The following NFATC2 variants were observed in gnomAD, a reference collection of about 807,000 sequenced individuals.
NFATC2 encodes the protein nuclear factor of activated T cells 2, also known as nuclear factor of activated T-cells, cytoplasmic 2.
Under a neutral mutation model 87.3 loss-of-function variants are expected in NFATC2, and 22 were observed. That is an observed-to-expected ratio of 0.25 (90% confidence interval 0.18 to 0.36). NFATC2 has a LOEUF of 0.36. Ranked by LOEUF, NFATC2 falls within the 10% of genes least tolerant of loss-of-function variation. NFATC2 has a pLI of 1.00. For synonymous variants in NFATC2, 565 were observed against 542.2 expected (o/e 1.04, Z -0.58); for missense variants, 1,149 against 1,259.1 (o/e 0.91, Z 1.32).
intron 9 of NFATC2, among the ~76,000 whole-genome samples, chr20:51,418,567 G>A (rs1980373879): frequency 6.6e-6 from 1 of 152,166 alleles, no homozygotes; most frequent in African/African-American, 2.4e-5. Flanking sequence ...CGTTAGGAGA[G>A]GAGTTTCCTG....
chr20:51,531,822 T>A (rs1026670205), intron 1 of NFATC2, among the ~76,000 whole-genome samples: 3 of 152,188 alleles, frequency 2.0e-5, no homozygotes, highest in Non-Finnish European at 2.9e-5. Flanking sequence ...TTAGTCTATT[T>A]TACAACAACT....
intron 9 of NFATC2, among the ~76,000 whole-genome samples, chr20:51,420,382 ATCTG>A (rs1980698688): frequency 1.3e-5 from 2 of 152,244 alleles, no homozygotes; most frequent in African/African-American, 4.8e-5. Context: ...AAACAATTGA[ATCTG>A]AATGAATGAA....
At chr20:51,465,224 C>T (rs190024650) in intron 5 of NFATC2, among the ~76,000 whole-genome samples, 214 of 152,168 alleles carry the variant, frequency 1.4e-3, no homozygotes, top group Non-Finnish European at 2.4e-3. Flanking sequence ...CCCGTCTCTA[C>T]TAAAAATAAA....
At position 51,497,327 on chromosome 20, in the gene NFATC2, C is replaced by T. The variant is rs377193890; in HGVS notation, c.1332+19457G>A. The stretch of plus-strand genomic sequence containing the variant: ...CGCAGCAAGAAAAATAACAATCCAC[C>T]AAAAGATAAATGCAAAAAGAAGATG... On this transcript the variant is annotated intron_variant, in intron 3 of 10. Transcript: ENST00000371564. 7.2e-5 allele frequency among the ~76,000 whole-genome samples: 11 copies of T among 152,284 alleles called. No homozygotes were observed. The East Asian group carries it at 1.3e-3, about 19-fold the overall frequency.
chr20:51,432,595 G>A lies in NFATC2; in HGVS notation c.2194C>T (p.Arg732Cys), dbSNP rs772742074. Reference sequence around the variant, plus strand: ...GCGTCAGGGGATGAGAGCCCCGTGCGGAACTGCTGGCAGGGAGCCATGGTG... The same window carrying A: ...GCGTCAGGGGATGAGAGCCCCGTGCAGAACTGCTGGCAGGGAGCCATGGTG... The part of the protein sequence containing the change: ...VATMAPCQQF[R>C]TGLSSPDARY... The change falls in exon 9 of 11, where the codon CGC becomes TGC. Residue 732 changes from arginine (R) to cysteine (C), a missense_variant. Physicochemically the swap from Arg to Cys is radical, Grantham distance 180. Coordinates refer to ENST00000371564, the MANE Select transcript of NFATC2 (RefSeq NM_012340.5). The surrounding 1 kb of genome is among the most constrained non-coding windows in gnomAD (Gnocchi z 4.6). 2.3e-5 allele frequency: 35 copies of A among 1,530,444 alleles called. No individual in the cohort carries two copies. Among genetic ancestry groups the A allele is most frequent in the South Asian group, 1.7e-4 (13 of 77,506 alleles). 94.8% of individuals were successfully genotyped at this position (1,530,444 alleles called of 1,614,324 possible).
intron 9 of NFATC2, among the ~76,000 whole-genome samples, chr20:51,416,185 C>T (rs1341242204): frequency 6.6e-6 from 1 of 151,942 alleles, no homozygotes; most frequent in Non-Finnish European, 1.5e-5. Context: ...TCACTTGAAC[C>T]CTGAAGGCAG....
At chr20:51,496,556 T>C (rs528625056) in intron 3 of NFATC2, among the ~76,000 whole-genome samples, 5 of 152,248 alleles carry the variant, frequency 3.3e-5, no homozygotes, top group Admixed American at 6.5e-5. Context: ...CTCTCTATTA[T>C]AGGTCTTATC....
chr20:51,551,765 T>C lies in NFATC2; in HGVS notation c.70+10795A>G, dbSNP rs150296922. On this transcript the variant is annotated intron_variant, in intron 1 of 10. Coordinates refer to the NFATC2 transcript ENST00000414705. ...ATATTAGGTCGCACACAGTGGCTCA[T>C]GCCTGTAATCCCAGCACATTGGGAG... Among the ~76,000 whole-genome samples the C allele has an allele frequency of 4.2e-4, 64 of 152,188 alleles. 1 individual carries two copies. The South Asian group carries it at 4.8e-3, about 11-fold the overall frequency.
At chr20:51,401,877 A>G (rs1988084339) in intron 9 of NFATC2, among the ~76,000 whole-genome samples, 1 of 152,198 alleles carries the variant, frequency 6.6e-6, no homozygotes, top group Non-Finnish European at 1.5e-5. Context: ...CATTACAGAC[A>G]AAAGTACAGA....
At chr20:51,422,620 A>G (rs1981123902) in intron 9 of NFATC2, among the ~76,000 whole-genome samples, 1 of 149,826 alleles carries the variant, frequency 6.7e-6, no homozygotes, top group South Asian at 2.1e-4. Context: ...AATTGGTGCT[A>G]AAACAAAGTT....
chr20:51,508,214 G>C (rs1206756864), intron 3 of NFATC2, among the ~76,000 whole-genome samples: 1 of 152,010 alleles, frequency 6.6e-6, no homozygotes. Context: ...GTGAACCTCC[G>C]TGTCTTCAGT....
At chr20:51,411,621 A>C (rs1157876365) in intron 9 of NFATC2, among the ~76,000 whole-genome samples, 1 of 135,296 alleles carries the variant, frequency 7.4e-6, no homozygotes, top group East Asian at 2.3e-4. Flanking sequence ...TCTGCCTCCC[A>C]GGTTCATGCG....
At chr20:51,441,734 A>AAG in intron 6 of NFATC2, among the ~76,000 whole-genome samples, 1 of 150,914 alleles carries the variant, frequency 6.6e-6, no homozygotes, top group East Asian at 1.9e-4. Flanking sequence ...AAAAAAAAAA[A>AAG]GATAAAGTTA....
At chr20:51,465,190 C>G (rs966700817) in intron 5 of NFATC2, among the ~76,000 whole-genome samples, 3 of 152,150 alleles carry the variant, frequency 2.0e-5, no homozygotes, top group Admixed American at 2.0e-4. Context: ...GAGTTTGAGA[C>G]CAGCCTGGCC....
At chr20:51,413,998 CT>C (rs945593589) in intron 9 of NFATC2, among the ~76,000 whole-genome samples, 48 of 152,292 alleles carry the variant, frequency 3.2e-4, no homozygotes, top group African/African-American at 1.0e-3. Context: ...CATTATTGTT[CT>C]TTTGTGACAA....
chr20:51,433,292 CAG>C (rs754093034), intron 8 of NFATC2, among the ~76,000 whole-genome samples: 2 of 152,150 alleles, frequency 1.3e-5, no homozygotes, highest in Non-Finnish European at 1.5e-5. Flanking sequence ...AATGGGCACT[CAG>C]ATATTTTCTA....
intron 6 of NFATC2, among the ~76,000 whole-genome samples, chr20:51,449,493 T>C (rs1243498739): frequency 6.6e-6 from 1 of 152,190 alleles, no homozygotes; most frequent in African/African-American, 2.4e-5. Flanking sequence ...GTCAGAAATG[T>C]ATCCTCTTGA....
chr20:51,450,997 G>C (rs1408824527), intron 6 of NFATC2, among the ~76,000 whole-genome samples: 1 of 152,206 alleles, frequency 6.6e-6, no homozygotes, highest in Non-Finnish European at 1.5e-5. Context: ...GTGCTTAAAA[G>C]CTGGCTGACT....
intron 1 of NFATC2, among the ~76,000 whole-genome samples, chr20:51,525,409 C>G (rs1269979125): frequency 6.6e-6 from 1 of 152,156 alleles, no homozygotes; most frequent in Admixed American, 6.5e-5. Flanking sequence ...TCACCTCACA[C>G]TGTCATTTAA....
Sources: allele counts gnomAD v4.1 joint callset (sites outside exome capture counted in the v4.1 genomes callset), GRCh38; gene constraint gnomAD v4.1.1; non-coding constraint Gnocchi (gnomAD v3.1); transcripts MANE v1.5; gene names NCBI Gene and HGNC (gene_info 2026-07-23, HGNC 2026-07-21).